The following PINX1 variants were observed in gnomAD, a reference collection of about 807,000 sequenced individuals.
PINX1 encodes PIN2/TERF1-interacting telomerase inhibitor 1.
In PINX1, 34 loss-of-function variants were observed where a neutral mutation model predicts 25.4. That is an observed-to-expected ratio of 1.34 (90% confidence interval 1.02 to 1.78). The LOEUF (loss-of-function observed/expected upper bound fraction) is 1.78, where lower values mean the gene tolerates loss of function less well. Among genes scored for constraint, PINX1 ranks in the 40% most tolerant of loss-of-function variants. The probability of loss-of-function intolerance (pLI) is 0.00; values close to 1 mark genes in which losing one functional copy is unlikely to be tolerated. For synonymous variants in PINX1, 197 were observed against 147.7 expected (o/e 1.33, Z -2.42); for missense variants, 592 against 404.9 (o/e 1.46, Z -3.97).
Position 10,775,418 on chromosome 8 carries a change from T to G in PINX1, c.472-9502A>C, listed in dbSNP as rs1369105424. ...GTTCTGTCTGTTTTGTGGTTTTTTT[T>G]TTTTTTTTTTTTTTTTTTTTTTGCC... On this transcript the variant is annotated intron_variant, in intron 6 of 6. Coordinates refer to ENST00000314787, the MANE Select transcript of PINX1 (RefSeq NM_017884.6). Among the ~76,000 whole-genome samples the G allele has an allele frequency of 1.8e-3, 260 of 146,932 alleles. 3 individuals carry two copies. Among genetic ancestry groups the G allele is most frequent in the African/African-American group, 5.9e-3 (239 of 40,410 alleles).
rs969221983 is a variant in PINX1, at chr8:10,826,194, T to C, written c.352A>G (p.Lys118Glu). 3.1e-6 allele frequency: 5 copies of C among 1,600,004 alleles called. No individual in the cohort carries two copies. The highest frequency in any genetic ancestry group is 1.7e-5 in the Admixed American group (1 of 59,206). Residue 118 changes from lysine (K) to glutamate (E), a missense_variant, in exon 5 of 7, where the codon AAA (lysine) becomes GAA (glutamate). Coordinates refer to ENST00000314787, the MANE Select transcript of PINX1 (RefSeq NM_017884.6). ...TAGTGAACACGGTTTTTGGAGATTT[T>C]GGACTTTTCCTCAAGGCTAAAAGAT... ...KKSFSLEEKS[K>E]ISKNRVHYMK...
In PINX1 at chr8:10,765,552, T is replaced by G. The variant is rs752416588; in HGVS notation, c.836A>C (p.Asp279Ala). ...CCGGCCCTCAGGCGGCTGCACATGG[T>G]CCCCTGCATCCTGAGCAGAGGCCTT... ...SSKASAQDAG[D>A]HVQPPEGRDF... The change falls in exon 7 of 7, where the codon GAC (aspartate) becomes GCC (alanine). Residue 279 changes from aspartate (D) to alanine (A), a missense_variant. Physicochemically the swap from Asp to Ala is moderately radical, Grantham distance 126. Coordinates refer to ENST00000314787, the MANE Select transcript of PINX1 (RefSeq NM_017884.6). 3.1e-6 allele frequency: 5 copies of G among 1,613,642 alleles called. No homozygotes were observed. The African/African-American group carries it at 6.7e-5, about 22-fold the overall frequency.
At position 10,834,016 on chromosome 8, in the gene PINX1, T is replaced by C. The variant is rs73209909; in HGVS notation, c.129+650A>G. On this transcript the variant is annotated intron_variant, in intron 2 of 6. Transcript: ENST00000314787. ...TCAGAGGACAGAACTGGACTCAATA[T>C]AGAAAAATGACAGTTCCCAGACTTT... is the stretch of plus-strand genomic sequence containing the variant. 8.5e-5 allele frequency among the ~76,000 whole-genome samples: 13 copies of C among 152,172 alleles called. No individual in the cohort carries two copies. In the East Asian group the frequency reaches 2.3e-3, roughly 27 times the overall value.
At chr8:10,788,073 T>C (rs981899968) in intron 6 of PINX1, among the ~76,000 whole-genome samples, 1 of 152,134 alleles carries the variant, frequency 6.6e-6, no homozygotes, top group South Asian at 2.1e-4. Context: ...CTTTTAGATA[T>C]ATAATACATA....
intron 6 of PINX1, among the ~76,000 whole-genome samples, chr8:10,772,103 T>C (rs73544366): frequency 0.12 from 17,761 of 152,296 alleles, 1,183 homozygotes; most frequent in African/African-American, 0.14. Flanking sequence ...GCAATGCCAG[T>C]AGAGACTGAA....
intron 6 of PINX1, among the ~76,000 whole-genome samples, chr8:10,774,407 G>A (rs899924705): frequency 3.3e-5 from 5 of 151,618 alleles, no homozygotes; most frequent in Admixed American, 6.6e-5. Context: ...TCAGCCTCCC[G>A]AGTAGCTGGG....
intron 5 of PINX1, among the ~76,000 whole-genome samples, chr8:10,823,588 T>A (rs1797942484): frequency 6.6e-6 from 1 of 152,074 alleles, no homozygotes; most frequent in Non-Finnish European, 1.5e-5. Flanking sequence ...AAACTGACAT[T>A]TAAAATTATA....
intron 6 of PINX1, among the ~76,000 whole-genome samples, chr8:10,773,118 C>G (rs1801281454): frequency 1.3e-5 from 2 of 152,152 alleles, no homozygotes; most frequent in Admixed American, 1.3e-4. Flanking sequence ...TAAATATTTA[C>G]TGAATAAATG....
At chr8:10,822,999 G>A (rs978843585) in intron 5 of PINX1, among the ~76,000 whole-genome samples, 3 of 152,066 alleles carry the variant, frequency 2.0e-5, no homozygotes, top group Non-Finnish European at 4.4e-5. Flanking sequence ...GCAGTCAACC[G>A]AGGGCAGAAG....
chr8:10,823,546 A>AG (rs1449741587), intron 5 of PINX1, among the ~76,000 whole-genome samples: 1 of 152,214 alleles, frequency 6.6e-6, no homozygotes, highest in African/African-American at 2.4e-5. Context: ...CTACAAACCA[A>AG]GCTGGAGTTG....
At chr8:10,791,253 C>G (rs1163960238) in intron 6 of PINX1, among the ~76,000 whole-genome samples, 3 of 152,110 alleles carry the variant, frequency 2.0e-5, no homozygotes, top group Non-Finnish European at 4.4e-5. Context: ...TTTTCAACAC[C>G]CACCAGAAAA....
intron 6 of PINX1, among the ~76,000 whole-genome samples, chr8:10,809,936 G>A (rs1020884226): frequency 2.6e-5 from 4 of 152,228 alleles, no homozygotes; most frequent in Non-Finnish European, 4.4e-5. Flanking sequence ...TTGCATAGGA[G>A]GTGTGCCGAT....
chr8:10,768,898 A>G (rs938697476), intron 6 of PINX1, among the ~76,000 whole-genome samples: 2 of 152,252 alleles, frequency 1.3e-5, no homozygotes, highest in Non-Finnish European at 2.9e-5. Context: ...AAAGTAAACA[A>G]GTATTGAGAA....
At chr8:10,808,931 G>A (rs1432558471) in intron 6 of PINX1, among the ~76,000 whole-genome samples, 3 of 152,200 alleles carry the variant, frequency 2.0e-5, no homozygotes, top group Non-Finnish European at 2.9e-5. Context: ...CACACAAACT[G>A]TAGTTAAAAA....
chr8:10,820,973 C>T (rs1797849179), intron 5 of PINX1, among the ~76,000 whole-genome samples: 1 of 152,176 alleles, frequency 6.6e-6, no homozygotes, highest in Non-Finnish European at 1.5e-5. Flanking sequence ...AATTTCAAAC[C>T]CCCAAACCAA....
At chr8:10,784,843 T>TA (rs1053689374) in intron 6 of PINX1, among the ~76,000 whole-genome samples, 6 of 152,194 alleles carry the variant, frequency 3.9e-5, no homozygotes, top group African/African-American at 1.4e-4. Context: ...GCAGAAAAGA[T>TA]AAACTTGTCA....
chr8:10,813,912 GAA>G lies in PINX1; in HGVS notation c.471+6279_471+6280del, dbSNP rs33980988. ...TGGGGGAGGGAAAAAAATGAGAGAGGAAAAAAAAAAAGAGTAGCAGGAAGTTC... is the reference window on the plus strand; with the variant it reads ...TGGGGGAGGGAAAAAAATGAGAGAGGAAAAAAAAAGAGTAGCAGGAAGTTC... On this transcript the variant is annotated intron_variant, in intron 6 of 6. Transcript: ENST00000314787. 1.1e-4 allele frequency among the ~76,000 whole-genome samples: 16 copies of G among 144,558 alleles called. 1 individual carries two copies. The highest frequency in any genetic ancestry group is 3.8e-4 in the African/African-American group (15 of 39,246). The allele number at this position is 144,558 out of a possible 152,430, so 94.8% of individuals were successfully genotyped here. A position where few individuals can be genotyped will look rare whatever the true frequency, so the allele number is the denominator to read the frequency against.
intron 6 of PINX1, among the ~76,000 whole-genome samples, chr8:10,793,959 G>C (rs1802004454): frequency 6.6e-6 from 1 of 152,150 alleles, no homozygotes; most frequent in Non-Finnish European, 1.5e-5. Flanking sequence ...AATTCCACTG[G>C]GGTGTGTAAA....
intron 6 of PINX1, among the ~76,000 whole-genome samples, chr8:10,792,494 G>A (rs946107336): frequency 2.0e-5 from 3 of 152,046 alleles, no homozygotes; most frequent in Non-Finnish European, 4.4e-5. Flanking sequence ...GGGACAGACT[G>A]TGCCTCTTCT....
Sources: gnomAD v4.1 joint callset for allele counts (sites outside exome capture counted in the v4.1 genomes callset) on GRCh38, gnomAD v4.1.1 for gene constraint, MANE v1.5 for transcripts, NCBI Gene and HGNC (gene_info 2026-07-23, HGNC 2026-07-21) for gene names.